NEK6: variants seen among roughly 807,000 people sequenced by gnomAD.
NEK6 encodes the protein serine/threonine-protein kinase Nek6.
A neutral mutation model predicts 43.5 loss-of-function variants in NEK6; 27 were observed. The observed-to-expected ratio is 0.62, with a 90% CI of 0.46 to 0.86. The LOEUF is 0.86. Ranked by LOEUF, NEK6 falls within the 40% of genes least tolerant of loss-of-function variation. NEK6 has a pLI of 0.00. For missense variants in NEK6, 318 were observed against 414.4 expected (o/e 0.77, Z 2.02); for synonymous variants, 167 against 164.1 (o/e 1.02, Z -0.14).
chr9:124,296,342 G>A (rs796256137), intron 1 of NEK6, among the ~76,000 whole-genome samples: 2 of 152,340 alleles, frequency 1.3e-5, no homozygotes, highest in African/African-American at 4.8e-5. Flanking sequence ...GCACAGAGGA[G>A]GGGCCTTGCT....
chr9:124,304,095 C>G (rs1483138317), intron 2 of NEK6, among the ~76,000 whole-genome samples: 5 of 152,276 alleles, frequency 3.3e-5, no homozygotes, highest in Non-Finnish European at 5.9e-5. Context: ...AACGATGCCC[C>G]CAGTCCCACC....
intron 1 of NEK6, among the ~76,000 whole-genome samples, chr9:124,273,806 G>T (rs1177176149): frequency 6.6e-6 from 1 of 152,134 alleles, no homozygotes; most frequent in South Asian, 2.1e-4. Context: ...CCATTTACGG[G>T]TTTTTTTGTT....
chr9:124,335,683 T>C (rs928380018), intron 7 of NEK6, among the ~76,000 whole-genome samples: 3 of 152,242 alleles, frequency 2.0e-5, no homozygotes, highest in African/African-American at 7.2e-5. Context: ...TGAGCCGTCC[T>C]GCGCAGGGTA....
intron 8 of NEK6, among the ~76,000 whole-genome samples, chr9:124,345,254 T>C (rs146572238): frequency 9.6e-4 from 146 of 152,282 alleles, no homozygotes; most frequent in African/African-American, 3.4e-3. Flanking sequence ...TGGTCACTGG[T>C]AGAAGGAGAT....
intron 9 of NEK6, among the ~76,000 whole-genome samples, chr9:124,350,501 G>GACACACACACAC (rs55896623): frequency 6.6e-6 from 1 of 150,710 alleles, no homozygotes. Flanking sequence ...ACTGACAGCA[G>GACACACACACAC]ACACACACAC....
chr9:124,351,174 T>C lies in NEK6; in HGVS notation c.*227T>C. The C allele has an allele frequency of 2.1e-6, 1 of 474,492 alleles. No individual in the cohort carries two copies. The highest frequency in any genetic ancestry group is 3.9e-6 in the Non-Finnish European group (1 of 259,522). 29.4% of individuals were successfully genotyped at this position (474,492 alleles called of 1,614,324 possible). A position where few individuals can be genotyped will look rare whatever the true frequency, so the allele number is the denominator to read the frequency against. ...AGATTCCAAAGTCCTTTCTTTATACTGTTGTGGACAATCTCAGCTGGGTCA... is the reference window on the plus strand; with the variant it reads ...AGATTCCAAAGTCCTTTCTTTATACCGTTGTGGACAATCTCAGCTGGGTCA... On this transcript the variant is annotated 3_prime_UTR_variant, in exon 10 of 10. Coordinates refer to ENST00000320246, the MANE Select transcript of NEK6 (RefSeq NM_014397.6).
chr9:124,319,439 C>CAGA (rs1833963612), intron 4 of NEK6, among the ~76,000 whole-genome samples: 2 of 152,278 alleles, frequency 1.3e-5, no homozygotes, highest in African/African-American at 4.8e-5. Context: ...ATTTGCCATG[C>CAGA]AGAAGCTCTT....
At chr9:124,306,871 C>T (rs1833279753) in intron 2 of NEK6, among the ~76,000 whole-genome samples, 1 of 152,224 alleles carries the variant, frequency 6.6e-6, no homozygotes. Context: ...CCCACAGTGT[C>T]AGATGTCTTT....
At chr9:124,339,950 C>G (rs569239398) in intron 8 of NEK6, among the ~76,000 whole-genome samples, 6 of 152,320 alleles carry the variant, frequency 3.9e-5, no homozygotes, top group African/African-American at 1.4e-4. Context: ...CCCCAGCTGC[C>G]CCTGCCCCCG....
rs779194493 is a variant in NEK6 at position 124,331,259 on chromosome 9, C to CAA, written c.622+3827_622+3828dup. On this transcript the variant is annotated intron_variant, in intron 7 of 9. Transcript: ENST00000320246. ...TCAGCCTGGGCGAGCGACTCTGTCT[C>CAA]AAAAAAAAAAAAAACAAAACATTTT... is the stretch of plus-strand genomic sequence containing the variant. Among the ~76,000 whole-genome samples the CAA allele has an allele frequency of 2.6e-3, 252 of 95,258 alleles. 22 individuals are homozygous for CAA. In the East Asian group the frequency reaches 0.09, roughly 34 times the overall value. 62.5% of individuals were successfully genotyped at this position (95,258 alleles called of 152,430 possible). A position where few individuals can be genotyped will look rare whatever the true frequency, so the allele number is the denominator to read the frequency against.
At chr9:124,277,839 G>A (rs778448410) in intron 1 of NEK6, among the ~76,000 whole-genome samples, 9 of 152,210 alleles carry the variant, frequency 5.9e-5, no homozygotes, top group Non-Finnish European at 1.2e-4. Context: ...AGGCTGCCTC[G>A]TGAATCTGCA....
At chr9:124,314,675 G>GT (rs961380484) in intron 4 of NEK6, among the ~76,000 whole-genome samples, 121 of 150,262 alleles carry the variant, frequency 8.1e-4, no homozygotes, top group African/African-American at 2.6e-3. Flanking sequence ...TATTTCTTTT[G>GT]TTTTTTTTTG....
At position 124,331,280 on chromosome 9, in the gene NEK6, A is replaced by T. The variant is rs371486219; in HGVS notation, c.622+3835A>T. 4.0e-3 allele frequency among the ~76,000 whole-genome samples: 596 copies of T among 150,334 alleles called. 14 individuals carry two copies. Among genetic ancestry groups the T allele is most frequent in the African/African-American group, 0.013 (530 of 40,910 alleles). On this transcript the variant is annotated intron_variant, in intron 7 of 9. Coordinates refer to ENST00000320246, the MANE Select transcript of NEK6 (RefSeq NM_014397.6). The stretch of plus-strand genomic sequence containing the variant: ...GTCTCAAAAAAAAAAAAAACAAAAC[A>T]TTTTGCTCATTTTGCTTTTTTGTAA...
At chr9:124,287,061 G>A (rs1054763159) in intron 1 of NEK6, among the ~76,000 whole-genome samples, 9 of 152,202 alleles carry the variant, frequency 5.9e-5, no homozygotes, top group Non-Finnish European at 1.5e-5. Context: ...GCGGGGGACA[G>A]AGGGACAGCT....
intron 1 of NEK6, among the ~76,000 whole-genome samples, chr9:124,263,892 G>C (rs1015078102): frequency 6.6e-6 from 1 of 152,226 alleles, no homozygotes; most frequent in Non-Finnish European, 1.5e-5. Flanking sequence ...GAGGCCATAA[G>C]TCCTCGGCGT....
chr9:124,346,275 G>A (rs1007566765), intron 8 of NEK6, among the ~76,000 whole-genome samples: 2 of 152,122 alleles, frequency 1.3e-5, no homozygotes, highest in African/African-American at 2.4e-5. Flanking sequence ...GCTCCTCCAC[G>A]CCCTCCTGAA....
intron 1 of NEK6, among the ~76,000 whole-genome samples, chr9:124,293,342 G>A (rs1043726401): frequency 1.3e-5 from 2 of 152,236 alleles, no homozygotes; most frequent in Non-Finnish European, 2.9e-5. Flanking sequence ...CACAGAGGAA[G>A]CACTCAGCAG....
intron 4 of NEK6, among the ~76,000 whole-genome samples, chr9:124,314,628 C>T (rs1169894090): frequency 6.6e-6 from 1 of 151,944 alleles, no homozygotes; most frequent in African/African-American, 2.4e-5. Flanking sequence ...GTAGCTGGGA[C>T]CACAGGCGCA....
intron 1 of NEK6, among the ~76,000 whole-genome samples, chr9:124,293,304 G>A (rs1832517531): frequency 6.6e-6 from 1 of 152,222 alleles, no homozygotes; most frequent in African/African-American, 2.4e-5. Flanking sequence ...CAGCAGGGAT[G>A]TGCTGAGCTG....
Sources: gnomAD v4.1 joint callset for allele counts (sites outside exome capture counted in the v4.1 genomes callset) on GRCh38, gnomAD v4.1.1 for gene constraint, MANE v1.5 for transcripts, NCBI Gene and HGNC (gene_info 2026-07-23, HGNC 2026-07-21) for gene names.